CPEB3: variants seen among roughly 807,000 people sequenced by gnomAD.
CPEB3 encodes the protein cytoplasmic polyadenylation element-binding protein 3.
A neutral mutation model predicts 67.2 loss-of-function variants in CPEB3; 20 were observed. That is an observed-to-expected ratio of 0.30 (90% CI 0.21 to 0.43). The LOEUF is 0.43. Ranked by LOEUF, CPEB3 falls within the 20% of genes least tolerant of loss-of-function variation. The pLI is 1.00. For synonymous variants in CPEB3, 376 were observed against 393.1 expected (o/e 0.96, Z 0.51); for missense variants, 746 against 968.6 (o/e 0.77, Z 3.05).
At chr10:92,233,181 A>T (rs1163697309) in intron 2 of CPEB3, among the ~76,000 whole-genome samples, 1 of 152,206 alleles carries the variant, frequency 6.6e-6, no homozygotes, top group South Asian at 2.1e-4. Flanking sequence ...CTTATTCAAA[A>T]GCAAGCACAA....
intron 7 of CPEB3, among the ~76,000 whole-genome samples, chr10:92,098,072 A>C (rs2133360739): frequency 7.0e-6 from 1 of 142,814 alleles, no homozygotes; most frequent in Middle Eastern, 3.6e-3. Context: ...GAGGCAGGAG[A>C]ATCGCTTGAA....
At chr10:92,279,326 C>T (rs552811507) in intron 1 of CPEB3, among the ~76,000 whole-genome samples, 12 of 152,304 alleles carry the variant, frequency 7.9e-5, no homozygotes, top group Non-Finnish European at 5.9e-5. Context: ...TTAATACTTG[C>T]TTTCTGACAC....
rs1216972149 is a variant in CPEB3, at chr10:92,056,512, A to T, written c.1870-4073T>A. On this transcript the variant is annotated intron_variant, in intron 9 of 9. Transcript: ENST00000265997. ...AGAAGCACTGAGGAGTCAGAAGAAT[A>T]GTCCCGAATCACCACACATTTAAAC... Among the ~76,000 whole-genome samples the T allele has an allele frequency of 2.0e-5, 3 of 152,220 alleles. No individual in the cohort carries two copies. The East Asian group carries it at 5.8e-4, about 29-fold the overall frequency.
intron 4 of CPEB3, among the ~76,000 whole-genome samples, chr10:92,166,003 T>C (rs1384677766): frequency 1.3e-5 from 2 of 152,204 alleles, no homozygotes; most frequent in Non-Finnish European, 2.9e-5. Context: ...AAGTTCTAAA[T>C]GGCATCTAAA....
intron 6 of CPEB3, chr10:92,137,738 C>G (rs549689586): frequency 2.0e-4 from 69 of 353,272 alleles, no homozygotes; most frequent in African/African-American, 1.4e-3. Context: ...GTGGCTCACG[C>G]CTGTAATCCC....
At chr10:92,107,532 T>C (rs563047771) in intron 7 of CPEB3, among the ~76,000 whole-genome samples, 5 of 152,210 alleles carry the variant, frequency 3.3e-5, no homozygotes, top group Non-Finnish European at 5.9e-5. Context: ...CCTTGCTCTA[T>C]TAGCTTGCTG....
At chr10:92,150,385 T>G (rs1344088236) in intron 4 of CPEB3, among the ~76,000 whole-genome samples, 3 of 152,026 alleles carry the variant, frequency 2.0e-5, no homozygotes, top group Non-Finnish European at 4.4e-5. Context: ...AGCCACTGCT[T>G]CTGGCCCCTC....
intron 9 of CPEB3, among the ~76,000 whole-genome samples, chr10:92,065,068 AG>A (rs1842494052): frequency 6.6e-6 from 1 of 152,248 alleles, no homozygotes; most frequent in South Asian, 2.1e-4. Flanking sequence ...CAATTGTTAA[AG>A]GCAACACAAC....
chr10:92,226,925 C>T (rs1301043964), intron 2 of CPEB3, among the ~76,000 whole-genome samples: 1 of 152,068 alleles, frequency 6.6e-6, no homozygotes, highest in African/African-American at 2.4e-5. Flanking sequence ...CGCCCCCTCC[C>T]CCTTCAGAAC....
At chr10:92,240,696 C>T (rs1405854653) in intron 1 of CPEB3, among the ~76,000 whole-genome samples, 1 of 152,118 alleles carries the variant, frequency 6.6e-6, no homozygotes, top group Non-Finnish European at 1.5e-5. Context: ...TCAGAGCGTT[C>T]GCCCTGCAAT....
chr10:92,258,625 AATATATATATATATATATAT>A lies in CPEB3; in HGVS notation c.-11-18284_-11-18265del, dbSNP rs56316802. On this transcript the variant is annotated intron_variant, in intron 1 of 9. Transcript: ENST00000265997. ...TTCCAGACTTCAATTATATTTTTTG[AATATATATATATATATATAT>A]ATATATATATATATATATATATATA... is the stretch of plus-strand genomic sequence containing the variant. Among the ~76,000 whole-genome samples the A allele has an allele frequency of 7.4e-3, 243 of 32,902 alleles. 2 individuals carry two copies. Among genetic ancestry groups the A allele is most frequent in the South Asian group, 0.028 (23 of 836 alleles). 21.6% of individuals were successfully genotyped at this position (32,902 alleles called of 152,430 possible).
intron 6 of CPEB3, among the ~76,000 whole-genome samples, chr10:92,126,219 C>T (rs1338181431): frequency 6.6e-6 from 1 of 152,142 alleles, no homozygotes; most frequent in African/African-American, 2.4e-5. Context: ...GTAACTTCCA[C>T]TGTTCAAATC....
intron 9 of CPEB3, 77 bp from the exon 10 acceptor site, chr10:92,052,516 C>T (rs1841934115): frequency 1.6e-6 from 2 of 1,259,820 alleles, no homozygotes; most frequent in Non-Finnish European, 2.3e-6. Context: ...AGAGTTTACA[C>T]TATAGCTTCA....
chr10:92,270,850 G>T (rs748476906), intron 1 of CPEB3, among the ~76,000 whole-genome samples: 1 of 151,922 alleles, frequency 6.6e-6, no homozygotes, highest in African/African-American at 2.4e-5. Context: ...GATTACAGGC[G>T]TGCACCACCG....
intron 2 of CPEB3, among the ~76,000 whole-genome samples, chr10:92,236,701 A>G (rs1156600564): frequency 6.6e-6 from 1 of 152,178 alleles, no homozygotes; most frequent in Non-Finnish European, 1.5e-5. Flanking sequence ...GTGAGCCGAG[A>G]TCATGCCACT....
At chr10:92,190,888 C>T (rs1287695900) in intron 3 of CPEB3, among the ~76,000 whole-genome samples, 5 of 151,924 alleles carry the variant, frequency 3.3e-5, no homozygotes, top group Non-Finnish European at 5.9e-5. Flanking sequence ...AAGAACTCAT[C>T]CATGGCAGCA....
intron 4 of CPEB3, among the ~76,000 whole-genome samples, chr10:92,158,365 T>A (rs1449448798): frequency 1.3e-5 from 2 of 152,218 alleles, no homozygotes; most frequent in Non-Finnish European, 2.9e-5. Context: ...ATTATCTATA[T>A]CAGACATAGA....
chr10:92,259,672 T>G (rs918263083), intron 1 of CPEB3, among the ~76,000 whole-genome samples: 3 of 152,190 alleles, frequency 2.0e-5, no homozygotes, highest in Non-Finnish European at 4.4e-5. Context: ...GTTTACCTCT[T>G]CTGGCATATA....
At chr10:92,119,501 GA>G (rs995465883) in intron 6 of CPEB3, among the ~76,000 whole-genome samples, 2 of 152,176 alleles carry the variant, frequency 1.3e-5, no homozygotes, top group African/African-American at 4.8e-5. Flanking sequence ...TGAGACAGTA[GA>G]AACAATACCA....
Sources: gnomAD v4.1 joint callset for allele counts (sites outside exome capture counted in the v4.1 genomes callset) on GRCh38, gnomAD v4.1.1 for gene constraint, MANE v1.5 for transcripts, NCBI Gene and HGNC (gene_info 2026-07-23, HGNC 2026-07-21) for gene names.